The following USP43 variants were observed in gnomAD, a reference collection of about 807,000 sequenced individuals.
USP43 encodes ubiquitin carboxyl-terminal hydrolase 43.
A neutral mutation model predicts 90.7 loss-of-function variants in USP43; 33 were observed. That is an observed-to-expected ratio of 0.36 (90% confidence interval 0.28 to 0.49). The LOEUF (loss-of-function observed/expected upper bound fraction) is 0.49, where lower values mean the gene tolerates loss of function less well. Among genes scored for constraint, USP43 ranks in the 20% least tolerant of loss-of-function variants. The probability of loss-of-function intolerance (pLI) is 0.98; values close to 1 mark genes in which losing one functional copy is unlikely to be tolerated. For missense variants in USP43, 1,274 were observed against 1,476.4 expected (o/e 0.86, Z 2.25); for synonymous variants, 598 against 615.8 (o/e 0.97, Z 0.43).
chr17:9,660,890 G>A (rs1912595743), intron 2 of USP43, among the ~76,000 whole-genome samples: 1 of 152,218 alleles, frequency 6.6e-6, no homozygotes. Flanking sequence ...TCAGAAAATT[G>A]GGCTGCCTGC....
At chr17:9,654,851 C>T (rs1156319764) in intron 1 of USP43, among the ~76,000 whole-genome samples, 1 of 151,648 alleles carries the variant, frequency 6.6e-6, no homozygotes, top group Middle Eastern at 3.2e-3. Flanking sequence ...GATTCTCCTG[C>T]CTCAGTCTCC....
chr17:9,727,898 C>T, intron 14 of USP43, 56 bp from the exon 15 acceptor site: 1 of 1,537,934 alleles, frequency 6.5e-7, no homozygotes, highest in East Asian at 2.3e-5. Flanking sequence ...CGTTAGATGA[C>T]TGGCATTTCA....
At chr17:9,657,083 C>T (rs1912308765) in intron 2 of USP43, among the ~76,000 whole-genome samples, 1 of 152,238 alleles carries the variant, frequency 6.6e-6, no homozygotes, top group Admixed American at 6.5e-5. Context: ...ACATCAGGCG[C>T]AGTCTTTATG....
intron 3 of USP43, among the ~76,000 whole-genome samples, chr17:9,667,308 A>G (rs1221689586): frequency 1.3e-5 from 2 of 152,056 alleles, no homozygotes; most frequent in Non-Finnish European, 2.9e-5. Context: ...CCAGGAGGTC[A>G]AGGCTGTGAT....
At chr17:9,670,157 G>A (rs1427777521) in intron 3 of USP43, among the ~76,000 whole-genome samples, 1 of 151,764 alleles carries the variant, frequency 6.6e-6, no homozygotes, top group African/African-American at 2.4e-5. Flanking sequence ...TCCTGCCTCG[G>A]CCTCCCAAGT....
rs554436381 is a variant in USP43 at position 9,683,988 on chromosome 17, C to T, written c.1241+1030C>T. On this transcript the variant is annotated intron_variant, in intron 7 of 14. Coordinates refer to ENST00000285199, the MANE Select transcript of USP43 (RefSeq NM_153210.5). Reference sequence around the variant, plus strand: ...CCATCTCTACTAAAAGTACAAAAAACTATCCAGGTGTGGTGGCACGCACCT... The same window carrying T: ...CCATCTCTACTAAAAGTACAAAAAATTATCCAGGTGTGGTGGCACGCACCT... 4.8e-3 allele frequency among the ~76,000 whole-genome samples: 731 copies of T among 151,952 alleles called. 6 individuals are homozygous for T. Among genetic ancestry groups the T allele is most frequent in the Non-Finnish European group, 8.0e-3 (543 of 67,956 alleles).
intron 8 of USP43, 72 bp from the exon 9 acceptor site, chr17:9,693,055 C>A (rs151264652): frequency 9.8e-7 from 1 of 1,020,504 alleles, no homozygotes; most frequent in Non-Finnish European, 1.5e-6. Context: ...TTAATGTATG[C>A]GCCCCTTTAG....
At chr17:9,670,808 C>G (rs1309443061) in intron 3 of USP43, among the ~76,000 whole-genome samples, 1 of 152,048 alleles carries the variant, frequency 6.6e-6, no homozygotes, top group African/African-American at 2.4e-5. Flanking sequence ...GAGTAAGAGG[C>G]GAGGTGTTCA....
At chr17:9,676,944 C>G in intron 5 of USP43, 63 bp downstream of exon 5, 3 of 1,572,522 alleles carry the variant, frequency 1.9e-6, no homozygotes, top group Non-Finnish European at 1.7e-6. Context: ...AGCCAGCTGT[C>G]TAGGCTGTTT....
At chr17:9,725,433 T>C (rs1917213969) in intron 14 of USP43, among the ~76,000 whole-genome samples, 2 of 151,850 alleles carry the variant, frequency 1.3e-5, no homozygotes, top group Admixed American at 6.6e-5. Flanking sequence ...GGGGGAGGGG[T>C]ACCAGGACTT....
rs201643008 is a variant in USP43 at position 9,710,022 on chromosome 17, G to A, written c.2078G>A (p.Arg693Gln). The change falls in exon 13 of 15, where the codon CGA (arginine) becomes CAA (glutamine). Residue 693 changes from arginine (R) to glutamine (Q), a missense_variant. Arg to Gln is a conservative substitution (Grantham distance 43). Transcript: ENST00000285199. ...GATGACAGCACGGTGGAACCGCTTC[G>A]AGAAGATGAGGTCAACACCAGAGGG... ...SYDDSTVEPLREDEVNTRGAY... is the reference protein window; with the variant it reads ...SYDDSTVEPLQEDEVNTRGAY... 5.4e-4 allele frequency: 850 copies of A among 1,572,632 alleles called. 2 individuals carry two copies. The highest frequency in any genetic ancestry group is 6.8e-4 in the Non-Finnish European group (788 of 1,159,146).
At position 9,645,697 on chromosome 17, in the gene USP43, G is replaced by A. The variant is rs1227144801; in HGVS notation, c.65G>A (p.Arg22His). The stretch of plus-strand genomic sequence containing the variant: ...CTCGCGCCCCGGCCCCGCCGCCGCC[G>A]CTCCCTGCGCCGCCTGTTCAGCCGC... The part of the protein sequence containing the change: ...GPLAPRPRRR[R>H]SLRRLFSRFL... Residue 22 changes from arginine to histidine, a missense_variant, in exon 1 of 15, where the codon CGC becomes CAC. Transcript: ENST00000285199. The surrounding 1 kb of genome is among the most constrained non-coding windows in gnomAD (Gnocchi z 6.8). 3.8e-6 allele frequency: 5 copies of A among 1,300,588 alleles called. No homozygotes were observed. The highest frequency in any genetic ancestry group is 4.8e-6 in the Non-Finnish European group (5 of 1,031,100). The allele number at this position is 1,300,588 out of a possible 1,614,324, so 80.6% of individuals were successfully genotyped here. A position where few individuals can be genotyped will look rare whatever the true frequency, so the allele number is the denominator to read the frequency against.
Position 9,728,918 on chromosome 17 carries a change from C to G in USP43, c.3300C>G (p.Gly1100=), listed in dbSNP as rs758656246. ...RTVPGEQASY[G]TFQRVKYHTL... is the part of the protein sequence containing the mutation. Reference sequence around the variant, plus strand: ...TTCCAGGGGAGCAGGCTTCTTATGGCACCTTTCAGAGAGTCAAATATCACA... The same window carrying G: ...TTCCAGGGGAGCAGGCTTCTTATGGGACCTTTCAGAGAGTCAAATATCACA... Residue 1100 remains glycine, a synonymous_variant, in exon 15 of 15, where the codon GGC becomes GGG. Coordinates refer to ENST00000285199, the MANE Select transcript of USP43 (RefSeq NM_153210.5). The surrounding 1 kb of genome is among the most constrained non-coding windows in gnomAD (Gnocchi z 6.2). 17 of 1,611,498 alleles carry G rather than the reference C, an allele frequency of 1.1e-5. No individual in the cohort carries two copies. The highest frequency in any genetic ancestry group is 1.4e-5 in the Non-Finnish European group (17 of 1,178,610).
chr17:9,721,264 T>A (rs1288072691), intron 14 of USP43, among the ~76,000 whole-genome samples: 1 of 152,162 alleles, frequency 6.6e-6, no homozygotes, highest in Non-Finnish European at 1.5e-5. Context: ...CTCTATGGCT[T>A]TTATTGGGCC....
chr17:9,714,100 C>G (rs148409960), intron 14 of USP43, among the ~76,000 whole-genome samples: 4 of 152,162 alleles, frequency 2.6e-5, no homozygotes, highest in Non-Finnish European at 4.4e-5. Flanking sequence ...GAATCTAATA[C>G]GCCTGCTGAT....
At chr17:9,691,619 G>A (rs575352297) in intron 8 of USP43, among the ~76,000 whole-genome samples, 39 of 152,110 alleles carry the variant, frequency 2.6e-4, no homozygotes, top group Non-Finnish European at 5.6e-4. Context: ...TTATATGGTA[G>A]TTCAACATTT....
intron 9 of USP43, among the ~76,000 whole-genome samples, chr17:9,698,328 T>C (rs1915389309): frequency 1.3e-5 from 2 of 152,224 alleles, no homozygotes; most frequent in Admixed American, 6.5e-5. Flanking sequence ...CTCTTTAGTT[T>C]AATTAAGTCC....
chr17:9,699,848 G>A (rs1410044937), intron 9 of USP43, among the ~76,000 whole-genome samples: 1 of 152,162 alleles, frequency 6.6e-6, no homozygotes, highest in Non-Finnish European at 1.5e-5. Flanking sequence ...ATGGTCAAGT[G>A]GAAGTGCCCT....
intron 14 of USP43, among the ~76,000 whole-genome samples, chr17:9,718,897 A>C (rs936235838): frequency 6.6e-6 from 1 of 151,304 alleles, no homozygotes; most frequent in Non-Finnish European, 1.5e-5. Flanking sequence ...TATTTCATGC[A>C]GTATGTTTTG....
Sources: gnomAD v4.1 joint callset for allele counts (sites outside exome capture counted in the v4.1 genomes callset) on GRCh38, gnomAD v4.1.1 for gene constraint, Gnocchi (gnomAD v3.1) non-coding constraint, MANE v1.5 for transcripts, NCBI Gene and HGNC (gene_info 2026-07-23, HGNC 2026-07-21) for gene names.